The following SCG5 variants were observed in gnomAD, a reference collection of about 807,000 sequenced individuals.
SCG5 encodes the protein secretogranin V.
A neutral mutation model predicts 25.7 loss-of-function variants in SCG5; 18 were observed. The ratio of observed to expected loss-of-function variants is 0.70; its 90% CI spans 0.48 to 1.04. The LOEUF is 1.04. Among genes scored for constraint, SCG5 ranks in the 50% least tolerant of loss-of-function variants. The probability of loss-of-function intolerance (pLI) is 0.00; values close to 1 mark genes in which losing one functional copy is unlikely to be tolerated. For missense variants in SCG5, 206 were observed against 259.8 expected (o/e 0.79, Z 1.42); for synonymous variants, 101 against 91.7 (o/e 1.10, Z -0.58).
intron 2 of SCG5, among the ~76,000 whole-genome samples, chr15:32,670,214 C>T (rs1034895366): frequency 6.6e-6 from 1 of 152,230 alleles, no homozygotes; most frequent in Admixed American, 6.5e-5. Flanking sequence ...TTTCATTTTG[C>T]TTATCTGCCA....
intron 2 of SCG5, among the ~76,000 whole-genome samples, chr15:32,657,775 T>C (rs1159762290): frequency 6.6e-6 from 1 of 152,216 alleles, no homozygotes; most frequent in East Asian, 1.9e-4. Flanking sequence ...ATTTACTCAA[T>C]GAGTAATTAC....
At chr15:32,691,908 C>T (rs1345455077) in intron 5 of SCG5, 145 bp downstream of exon 5, 1 of 1,484,418 alleles carries the variant, frequency 6.7e-7, no homozygotes, top group Non-Finnish European at 9.0e-7. Context: ...GTGACAAGGG[C>T]CACACCCAGA....
At chr15:32,671,236 G>A (rs1223287101) in intron 2 of SCG5, among the ~76,000 whole-genome samples, 1 of 152,158 alleles carries the variant, frequency 6.6e-6, no homozygotes, top group African/African-American at 2.4e-5. Context: ...CTCAGTAAAT[G>A]AAAATATTTG....
At chr15:32,652,366 A>G (rs1181399693) in intron 2 of SCG5, among the ~76,000 whole-genome samples, 2 of 152,148 alleles carry the variant, frequency 1.3e-5, no homozygotes, top group Admixed American at 6.5e-5. Context: ...GATGAGTAAT[A>G]GCTGTGGAAG....
At chr15:32,667,926 C>T (rs577988058) in intron 2 of SCG5, among the ~76,000 whole-genome samples, 12 of 152,166 alleles carry the variant, frequency 7.9e-5, no homozygotes, top group East Asian at 1.9e-4. Context: ...CCACCCGCTT[C>T]GGCCTCCCAA....
At chr15:32,648,687 C>G (rs570587585) in intron 2 of SCG5, among the ~76,000 whole-genome samples, 23 of 151,842 alleles carry the variant, frequency 1.5e-4, no homozygotes, top group Non-Finnish European at 3.1e-4. Flanking sequence ...CCTTGTGTAG[C>G]GAGTTTCAAA....
At chr15:32,649,587 C>G (rs565688857) in intron 2 of SCG5, among the ~76,000 whole-genome samples, 1 of 152,174 alleles carries the variant, frequency 6.6e-6, no homozygotes, top group South Asian at 2.1e-4. Context: ...GGTAGCCAGC[C>G]TCCTGGTCGT....
At chr15:32,663,030 A>G (rs2054248130) in intron 2 of SCG5, among the ~76,000 whole-genome samples, 2 of 77,490 alleles carry the variant, frequency 2.6e-5, no homozygotes, top group African/African-American at 1.0e-4. Context: ...TTAAAAAAAA[A>G]GAATATATAT....
At chr15:32,667,111 T>TATTGA (rs10682338) in intron 2 of SCG5, among the ~76,000 whole-genome samples, 2 of 152,172 alleles carry the variant, frequency 1.3e-5, no homozygotes, top group Non-Finnish European at 1.5e-5. Context: ...GATTAAAAAT[T>TATTGA]ATTTAATTTC....
At chr15:32,650,108 A>ATTTG (rs948282567) in intron 2 of SCG5, among the ~76,000 whole-genome samples, 2 of 151,914 alleles carry the variant, frequency 1.3e-5, no homozygotes, top group Non-Finnish European at 2.9e-5. Context: ...TTATTTATTT[A>ATTTG]TTTTTTGAGA....
intron 2 of SCG5, among the ~76,000 whole-genome samples, chr15:32,645,758 C>T (rs1313753771): frequency 6.6e-6 from 1 of 152,170 alleles, no homozygotes; most frequent in Non-Finnish European, 1.5e-5. Flanking sequence ...TGGATTAGGA[C>T]AATTCAGAAT....
chr15:32,650,575 A>G (rs886300753), intron 2 of SCG5, among the ~76,000 whole-genome samples: 2 of 152,210 alleles, frequency 1.3e-5, no homozygotes, highest in African/African-American at 4.8e-5. Context: ...AAAGCCACCA[A>G]CTGTCCAGGG....
intron 2 of SCG5, among the ~76,000 whole-genome samples, chr15:32,663,021 T>TA (rs201146500): frequency 1.7e-4 from 18 of 103,476 alleles, no homozygotes; most frequent in South Asian, 6.3e-4. Context: ...TTAGGGCTGT[T>TA]AAAAAAAAAG....
At chr15:32,676,587 T>G (rs2054534866) in intron 2 of SCG5, among the ~76,000 whole-genome samples, 1 of 152,132 alleles carries the variant, frequency 6.6e-6, no homozygotes, top group African/African-American at 2.4e-5. Context: ...ATGTCTAACC[T>G]TTGCATCTAT....
At chr15:32,696,040 G>A (rs1024375022) in intron 5 of SCG5, among the ~76,000 whole-genome samples, 1 of 152,174 alleles carries the variant, frequency 6.6e-6, no homozygotes, top group Admixed American at 6.5e-5. Context: ...GTACACTGGA[G>A]TAATTGTTTG....
intron 2 of SCG5, among the ~76,000 whole-genome samples, chr15:32,653,637 A>G (rs1463345183): frequency 6.6e-6 from 1 of 152,220 alleles, no homozygotes; most frequent in Admixed American, 6.5e-5. Context: ...CTTGGGCAAG[A>G]GTTGATAATT....
At chr15:32,680,499 G>T (rs771911846) in intron 3 of SCG5, among the ~76,000 whole-genome samples, 2 of 151,992 alleles carry the variant, frequency 1.3e-5, no homozygotes, top group Non-Finnish European at 2.9e-5. Context: ...CGCCCGGCCT[G>T]CACTTGCTAC....
At chr15:32,659,146 A>G (rs539287666) in intron 2 of SCG5, among the ~76,000 whole-genome samples, 1 of 152,232 alleles carries the variant, frequency 6.6e-6, no homozygotes, top group South Asian at 2.1e-4. Flanking sequence ...ACTGCACTCC[A>G]GCCTGGGCGA....
At chr15:32,685,950 T>A (rs2054701525) in intron 4 of SCG5, among the ~76,000 whole-genome samples, 1 of 152,160 alleles carries the variant, frequency 6.6e-6, no homozygotes, top group Non-Finnish European at 1.5e-5. Flanking sequence ...AAAACTAAAC[T>A]CCCTCCTTTC....
Sources: gnomAD v4.1 joint callset for allele counts (sites outside exome capture counted in the v4.1 genomes callset) on GRCh38, gnomAD v4.1.1 for gene constraint, MANE v1.5 for transcripts, NCBI Gene and HGNC (gene_info 2026-07-23, HGNC 2026-07-21) for gene names.